HDHD2: variants seen among roughly 807,000 people sequenced by gnomAD.
HDHD2 encodes haloacid dehalogenase like hydrolase domain containing 2.
Under a neutral mutation model 24.8 loss-of-function variants are expected in HDHD2, and 26 were observed. The ratio of observed to expected loss-of-function variants is 1.05; its 90% CI spans 0.77 to 1.45. The LOEUF (loss-of-function observed/expected upper bound fraction) is 1.45, where lower values mean the gene tolerates loss of function less well. Among genes scored for constraint, HDHD2 ranks in the 40% most tolerant of loss-of-function variants. The pLI is 0.00. For synonymous variants in HDHD2, 128 were observed against 114.9 expected (o/e 1.11, Z -0.73); for missense variants, 299 against 313.4 (o/e 0.95, Z 0.35).
intron 1 of HDHD2, among the ~76,000 whole-genome samples, chr18:47,137,936 G>A (rs948505467): frequency 1.3e-5 from 2 of 151,358 alleles, no homozygotes; most frequent in South Asian, 2.1e-4. Flanking sequence ...GAAGGCCGAC[G>A]CGGGCGGATC....
intron 1 of HDHD2, among the ~76,000 whole-genome samples, chr18:47,144,527 A>T (rs1568063189): frequency 6.6e-6 from 1 of 152,168 alleles, no homozygotes; most frequent in Non-Finnish European, 1.5e-5. Flanking sequence ...GCCTCAGAAA[A>T]ACTTCAAGAT....
intron 4 of HDHD2, among the ~76,000 whole-genome samples, chr18:47,123,245 C>T (rs1261149128): frequency 2.6e-5 from 4 of 152,072 alleles, no homozygotes; most frequent in Non-Finnish European, 5.9e-5. Context: ...CATACAAAAA[C>T]CCAATTAGCT....
chr18:47,147,869 G>A (rs1297176005), intron 1 of HDHD2, among the ~76,000 whole-genome samples: 1 of 152,120 alleles, frequency 6.6e-6, no homozygotes, highest in African/African-American at 2.4e-5. Context: ...CTAAGGCCTA[G>A]AATAAAATTG....
chr18:47,148,343 G>A (rs1008031665), intron 1 of HDHD2, among the ~76,000 whole-genome samples: 1 of 152,176 alleles, frequency 6.6e-6, no homozygotes, highest in Non-Finnish European at 1.5e-5. Context: ...TTGATAAAAT[G>A]TAATTGTAAA....
intron 6 of HDHD2, chr18:47,110,019 C>T: frequency 8.1e-6 from 8 of 985,344 alleles, no homozygotes; most frequent in Non-Finnish European, 9.6e-6. Flanking sequence ...CCTGTAGCCA[C>T]CAGGGCTGCC....
intron 3 of HDHD2, among the ~76,000 whole-genome samples, chr18:47,132,359 G>T (rs1294673478): frequency 6.6e-6 from 1 of 152,014 alleles, no homozygotes; most frequent in Non-Finnish European, 1.5e-5. Context: ...TGAATATTTG[G>T]GTTGTTTCCA....
intron 1 of HDHD2, among the ~76,000 whole-genome samples, chr18:47,136,697 T>C (rs962973614): frequency 3.3e-5 from 5 of 152,092 alleles, no homozygotes; most frequent in African/African-American, 1.2e-4. Flanking sequence ...GCAAAACGCT[T>C]ACAGAGGTAT....
intron 1 of HDHD2, among the ~76,000 whole-genome samples, chr18:47,149,345 G>A (rs895150593): frequency 6.6e-6 from 1 of 152,012 alleles, no homozygotes; most frequent in Non-Finnish European, 1.5e-5. Flanking sequence ...AAAACCCCTG[G>A]GAAGTACAAA....
chr18:47,121,843 C>G (rs1390767334), intron 4 of HDHD2, among the ~76,000 whole-genome samples: 15 of 152,190 alleles, frequency 9.9e-5, no homozygotes, highest in Non-Finnish European at 2.2e-4. Context: ...GTGCCCCCTC[C>G]TCCTGAAATG....
At chr18:47,149,349 G>A (rs1013485093) in intron 1 of HDHD2, among the ~76,000 whole-genome samples, 12 of 152,154 alleles carry the variant, frequency 7.9e-5, no homozygotes, top group African/African-American at 2.9e-4. Context: ...CCCCTGGGAA[G>A]TACAAATTTT....
At chr18:47,147,096 A>G (rs146786780) in intron 1 of HDHD2, among the ~76,000 whole-genome samples, 353 of 152,346 alleles carry the variant, frequency 2.3e-3, no homozygotes, top group African/African-American at 7.9e-3. Flanking sequence ...ATAAAAAACT[A>G]AATTAGTCCA....
At chr18:47,145,654 A>G (rs551848745) in intron 1 of HDHD2, among the ~76,000 whole-genome samples, 1 of 152,358 alleles carries the variant, frequency 6.6e-6, no homozygotes, top group African/African-American at 2.4e-5. Context: ...CACATGTTTA[A>G]GGCAAAACTA....
chr18:47,135,284 G>A (rs1268337911), intron 2 of HDHD2, among the ~76,000 whole-genome samples: 28 of 138,218 alleles, frequency 2.0e-4, no homozygotes, highest in Admixed American at 1.8e-3. Context: ...TTTTTGAGAC[G>A]GAGTTTCACT....
At chr18:47,143,905 T>G (rs2063842568) in intron 1 of HDHD2, among the ~76,000 whole-genome samples, 1 of 152,212 alleles carries the variant, frequency 6.6e-6, no homozygotes, top group African/African-American at 2.4e-5. Flanking sequence ...TATCGTTTCC[T>G]ACCCTGACTA....
In HDHD2 at chr18:47,136,537, T is replaced by A. The variant is rs1820941778; in HGVS notation, c.-10-88A>T. 2.0e-5 allele frequency: 21 copies of A among 1,027,610 alleles called. No homozygotes were observed. The South Asian group carries it at 3.3e-4, about 16-fold the overall frequency. The allele number at this position is 1,027,610 out of a possible 1,614,324, so 63.7% of individuals were successfully genotyped here. A position where few individuals can be genotyped will look rare whatever the true frequency, so the allele number is the denominator to read the frequency against. On this transcript the variant is annotated intron_variant, in intron 1 of 6. Transcript: ENST00000300605. Reference sequence around the variant, plus strand: ...TAAGTATTCAAAAATATCACTCATATCCAGAAAGATCCTGCTTAGTGTTAA... The same window carrying A: ...TAAGTATTCAAAAATATCACTCATAACCAGAAAGATCCTGCTTAGTGTTAA...
intron 4 of HDHD2, among the ~76,000 whole-genome samples, chr18:47,120,046 T>G (rs2063591138): frequency 6.6e-6 from 1 of 152,234 alleles, no homozygotes; most frequent in Non-Finnish European, 1.5e-5. Context: ...TAAACAGATG[T>G]GCTGCCATTC....
intron 2 of HDHD2, among the ~76,000 whole-genome samples, chr18:47,135,136 G>A (rs2063752103): frequency 6.6e-6 from 1 of 151,786 alleles, no homozygotes; most frequent in Admixed American, 6.6e-5. Context: ...ATGCCTGCCA[G>A]ATATATAAGT....
chr18:47,137,155 CTA>C (rs2063774371), intron 1 of HDHD2: 1 of 721,518 alleles, frequency 1.4e-6, no homozygotes, highest in Admixed American at 1.7e-5. Context: ...TAATGAAAGA[CTA>C]TTGTGAATGA....
intron 5 of HDHD2, 106 bp downstream of exon 5, chr18:47,115,026 C>T (rs2576058): frequency 0.56 from 430,546 of 764,662 alleles, 122,856 homozygotes; most frequent in Non-Finnish European, 0.59. Flanking sequence ...ATATACTGTC[C>T]ACATTGTCAG....
Sources: gnomAD v4.1 joint callset for allele counts (sites outside exome capture counted in the v4.1 genomes callset) on GRCh38, gnomAD v4.1.1 for gene constraint, MANE v1.5 for transcripts, NCBI Gene and HGNC (gene_info 2026-07-23, HGNC 2026-07-21) for gene names.